CUL1: variants seen among roughly 807,000 people sequenced by gnomAD.
CUL1 encodes cullin 1.
In CUL1, 24 loss-of-function variants were observed where a neutral mutation model predicts 118.0. The ratio of observed to expected loss-of-function variants is 0.20; its 90% CI spans 0.15 to 0.29. The LOEUF (loss-of-function observed/expected upper bound fraction) is 0.29, where lower values mean the gene tolerates loss of function less well. Among genes scored for constraint, CUL1 ranks in the 10% least tolerant of loss-of-function variants. The probability of loss-of-function intolerance (pLI) is 1.00; values close to 1 mark genes in which losing one functional copy is unlikely to be tolerated. For missense variants in CUL1, 361 were observed against 933.8 expected, an observed-to-expected ratio of 0.39 and a Z score of 7.99; for synonymous variants, 332 against 340.4, an observed-to-expected ratio of 0.98 and a Z score of 0.27.
intron 1 of CUL1, among the ~76,000 whole-genome samples, chr7:148,708,749 A>T (rs746355024): frequency 2.6e-5 from 4 of 152,192 alleles, no homozygotes; most frequent in Non-Finnish European, 5.9e-5. Flanking sequence ...AAGTAGCTGG[A>T]TGTTGGTTCT....
At chr7:148,768,918 T>C (rs1178555833) in intron 9 of CUL1, among the ~76,000 whole-genome samples, 2 of 152,222 alleles carry the variant, frequency 1.3e-5, no homozygotes, top group Non-Finnish European at 2.9e-5. Flanking sequence ...GTATAAAGCT[T>C]TCCTTTAGGT....
chr7:148,761,821 C>T (rs1799840709), intron 7 of CUL1, among the ~76,000 whole-genome samples: 1 of 152,228 alleles, frequency 6.6e-6, no homozygotes, highest in Non-Finnish European at 1.5e-5. Context: ...ACAATGGTCC[C>T]CAACCCTTTT....
chr7:148,719,550 TACTG>T (rs1232700933), intron 1 of CUL1, among the ~76,000 whole-genome samples: 1 of 152,182 alleles, frequency 6.6e-6, no homozygotes, highest in Non-Finnish European at 1.5e-5. Context: ...GATGTCCAAA[TACTG>T]AATGCACAGG....
intron 9 of CUL1, among the ~76,000 whole-genome samples, chr7:148,781,402 T>C (rs1456139127): frequency 6.6e-6 from 1 of 152,156 alleles, no homozygotes; most frequent in African/African-American, 2.4e-5. Flanking sequence ...TTTGACACTT[T>C]TCCTTTAGTA....
chr7:148,772,715 C>G (rs147461803), intron 9 of CUL1, among the ~76,000 whole-genome samples: 1 of 152,214 alleles, frequency 6.6e-6, no homozygotes, highest in Non-Finnish European at 1.5e-5. Flanking sequence ...TCATTTGAAA[C>G]TCACCTCTTC....
Position 148,788,675 on chromosome 7 carries a change from G to GTT in CUL1, c.1597+2_1597+3insTT. The stretch of plus-strand genomic sequence containing the variant: ...TTGACAAACTCAGAACCCCTAGACT[G>GTT]TGAGTATCCGTGTGTCTCTATGTTG... On this transcript the variant is annotated splice_donor_variant, in intron 14 of 21. Transcript: ENST00000325222. LOFTEE classifies it high-confidence loss of function. 1 of 1,563,954 alleles carries GTT rather than the reference G, an allele frequency of 6.4e-7. No individual in the cohort carries two copies. Among genetic ancestry groups the GTT allele is most frequent in the African/African-American group, 1.4e-5 (1 of 73,972 alleles).
intron 2 of CUL1, among the ~76,000 whole-genome samples, chr7:148,732,997 C>G (rs916499922): frequency 6.6e-6 from 1 of 152,046 alleles, no homozygotes; most frequent in African/African-American, 2.4e-5. Context: ...TGGAACCATC[C>G]ACACCTCATT....
chr7:148,747,734 T>G (rs1416146241), intron 2 of CUL1, among the ~76,000 whole-genome samples: 2 of 152,138 alleles, frequency 1.3e-5, no homozygotes, highest in East Asian at 1.9e-4. Flanking sequence ...ACAAGACAGG[T>G]TTTTAAAAGA....
At chr7:148,761,579 C>T (rs961395748) in intron 7 of CUL1, among the ~76,000 whole-genome samples, 2 of 152,168 alleles carry the variant, frequency 1.3e-5, no homozygotes, top group South Asian at 2.1e-4. Flanking sequence ...GGTCTGGAGT[C>T]AGCAAACTTA....
Position 148,772,983 on chromosome 7 carries a change from C to G in CUL1, c.1083+5234C>G, listed in dbSNP as rs184327368. Among the ~76,000 whole-genome samples, 22 of 152,178 alleles carry G rather than the reference C, an allele frequency of 1.4e-4. No homozygotes were observed. In the East Asian group the frequency reaches 4.3e-3, roughly 29 times the overall value. ...TCTTACTGTTTTCTATGCATTTTCT[C>G]TCCAGTCCCAAGGCTACCATCTTAA... On this transcript the variant is annotated intron_variant, in intron 9 of 21. Coordinates refer to ENST00000325222, the MANE Select transcript of CUL1 (RefSeq NM_003592.3).
chr7:148,800,728 C>G lies in CUL1; in HGVS notation c.*146C>G. ...GACCAAGACTCCCATCAGCTGGTCT[C>G]GGATTTACATCGGAACTGCTCAGGA... On this transcript the variant is annotated 3_prime_UTR_variant, in exon 22 of 22. Transcript: ENST00000325222. This position sits in a 1 kb window ranked among gnomAD's most constrained non-coding sequence, Gnocchi z 4.6. 1.6e-6 allele frequency: 1 copy of G among 630,502 alleles called. No individual in the cohort carries two copies. Among genetic ancestry groups the G allele is most frequent in the South Asian group, 1.9e-5 (1 of 52,142 alleles). 39.1% of individuals were successfully genotyped at this position (630,502 alleles called of 1,614,324 possible).
intron 9 of CUL1, among the ~76,000 whole-genome samples, chr7:148,770,800 T>C (rs1800185003): frequency 6.6e-6 from 1 of 152,212 alleles, no homozygotes; most frequent in Non-Finnish European, 1.5e-5. Flanking sequence ...AAAAAACAAA[T>C]ACTTTTAAAT....
chr7:148,717,985 C>T (rs1244676098), intron 1 of CUL1, among the ~76,000 whole-genome samples: 1 of 152,192 alleles, frequency 6.6e-6, no homozygotes, highest in Non-Finnish European at 1.5e-5. Context: ...TATATTGTTG[C>T]AGGGGAGTAT....
intron 7 of CUL1, among the ~76,000 whole-genome samples, chr7:148,764,568 G>A (rs974687654): frequency 1.3e-5 from 2 of 152,142 alleles, no homozygotes; most frequent in Non-Finnish European, 2.9e-5. Context: ...CTTTCATCTC[G>A]GAAGGGGTAA....
intron 2 of CUL1, among the ~76,000 whole-genome samples, chr7:148,753,274 T>C (rs1799550381): frequency 6.6e-6 from 1 of 152,238 alleles, no homozygotes; most frequent in Admixed American, 6.5e-5. Context: ...ATTCAATTAA[T>C]AATACATGCA....
At chr7:148,794,999 T>C (rs1370194009) in intron 17 of CUL1, among the ~76,000 whole-genome samples, 2 of 151,580 alleles carry the variant, frequency 1.3e-5, no homozygotes, top group Non-Finnish European at 2.9e-5. Flanking sequence ...GCCTGGCTAA[T>C]TTTTTGTATT....
At chr7:148,705,858 CTT>C (rs983180001) in intron 1 of CUL1, among the ~76,000 whole-genome samples, 53 of 152,292 alleles carry the variant, frequency 3.5e-4, no homozygotes, top group African/African-American at 1.3e-3. Context: ...ATTCTTCTGA[CTT>C]CTCTCATTTT....
chr7:148,738,283 C>A (rs1053403715), intron 2 of CUL1, among the ~76,000 whole-genome samples: 2 of 152,204 alleles, frequency 1.3e-5, no homozygotes, highest in Non-Finnish European at 1.5e-5. Context: ...AAGTCACACA[C>A]ATGGTACCTG....
At chr7:148,793,302 T>A (rs1174122120) in intron 17 of CUL1, among the ~76,000 whole-genome samples, 3 of 152,232 alleles carry the variant, frequency 2.0e-5, no homozygotes, top group Non-Finnish European at 4.4e-5. Context: ...TTTATTGAGA[T>A]ATATTTTAGA....
Sources: gnomAD v4.1 joint callset for allele counts (sites outside exome capture counted in the v4.1 genomes callset) on GRCh38, gnomAD v4.1.1 for gene constraint, Gnocchi (gnomAD v3.1) non-coding constraint, MANE v1.5 for transcripts, NCBI Gene and HGNC (gene_info 2026-07-23, HGNC 2026-07-21) for gene names.